The following TBX5 variants were observed in gnomAD, a reference collection of about 807,000 sequenced individuals.
TBX5 encodes T-box transcription factor TBX5.
A neutral mutation model predicts 51.1 loss-of-function variants in TBX5; 8 were observed. That is an observed-to-expected ratio of 0.16 (90% CI 0.09 to 0.28). TBX5 has a LOEUF of 0.28. TBX5 is among the 10% of genes least tolerant of loss of function. The pLI is 1.00. For synonymous variants in TBX5, 302 were observed against 266.4 expected, an observed-to-expected ratio of 1.13 and a Z score of -1.30; for missense variants, 589 against 671.7, an observed-to-expected ratio of 0.88 and a Z score of 1.36.
chr12:114,386,072 G>A (rs1027488346), intron 6 of TBX5, among the ~76,000 whole-genome samples: 5 of 152,156 alleles, frequency 3.3e-5, no homozygotes, highest in Admixed American at 1.3e-4. Context: ...TCATTTCATA[G>A]TTTTGCAGAT....
At chr12:114,388,520 C>T (rs1368365094) in intron 6 of TBX5, among the ~76,000 whole-genome samples, 1 of 152,080 alleles carries the variant, frequency 6.6e-6, no homozygotes, top group Non-Finnish European at 1.5e-5. Flanking sequence ...CTCTGTTACC[C>T]AGGCTGGAGT....
intron 7 of TBX5, among the ~76,000 whole-genome samples, chr12:114,372,960 G>T (rs192690178): frequency 6.9e-6 from 1 of 143,958 alleles, no homozygotes; most frequent in South Asian, 2.3e-4. Context: ...TGCATGGAAA[G>T]GCTTAGCGAA....
At chr12:114,371,524 C>T (rs76155075) in intron 7 of TBX5, among the ~76,000 whole-genome samples, 4 of 151,960 alleles carry the variant, frequency 2.6e-5, no homozygotes, top group Non-Finnish European at 4.4e-5. Flanking sequence ...CCACTACAGC[C>T]GACTGAATTG....
intron 7 of TBX5, among the ~76,000 whole-genome samples, chr12:114,377,368 C>T (rs1870250500): frequency 6.6e-6 from 1 of 152,048 alleles, no homozygotes; most frequent in South Asian, 2.1e-4. Context: ...TTTTAGGAGA[C>T]CTAGGCCTTA....
At chr12:114,396,608 A>G (rs1352905267) in intron 5 of TBX5, among the ~76,000 whole-genome samples, 1 of 152,110 alleles carries the variant, frequency 6.6e-6, no homozygotes, top group East Asian at 1.9e-4. Context: ...GAGACCCCAA[A>G]GGCACTCCAG....
At chr12:114,398,762 T>C in intron 4 of TBX5, 42 bp from the exon 5 acceptor site, 1 of 1,576,994 alleles carries the variant, frequency 6.3e-7, no homozygotes, top group Admixed American at 1.9e-5. Flanking sequence ...GCTCAGAGTC[T>C]GGAGGTAGCG....
At chr12:114,402,236 C>T (rs4548671) in intron 2 of TBX5, among the ~76,000 whole-genome samples, 1 of 151,934 alleles carries the variant, frequency 6.6e-6, no homozygotes, top group Non-Finnish European at 1.5e-5. Context: ...CGGAATGTCA[C>T]TGAGGAGGAC....
rs1228856550 is a variant in TBX5 at position 114,398,628 on chromosome 12, A to G, written c.455T>C (p.Leu152Pro). 3 of 1,613,684 alleles carry G rather than the reference A, an allele frequency of 1.9e-6. No individual in the cohort carries two copies. The highest frequency in any genetic ancestry group is 2.5e-6 in the Non-Finnish European group (3 of 1,179,890). The change falls in exon 5 of 9, where the codon CTC becomes CCC. Residue 152 changes from leucine to proline, a missense_variant. Around this residue, in one of 7 missense-constraint regions of TBX5, gnomAD observed 85 missense variants for 95.6 expected, o/e 0.89. Transcript: ENST00000405440. ...GAGCTTGAGTTTCTGGAAGGAGACG[A>G]GCTGCCTCATCCAATGCGCCCCGGT... The part of the protein sequence containing the change: ...PATGAHWMRQ[L>P]VSFQKLKLTN...
intron 1 of TBX5, among the ~76,000 whole-genome samples, chr12:114,404,867 C>T (rs1384849065): frequency 6.6e-6 from 1 of 152,222 alleles, no homozygotes; most frequent in Non-Finnish European, 1.5e-5. Flanking sequence ...CGGATAAGTC[C>T]TAGGCTGGAG....
Position 114,363,991 on chromosome 12 carries a change from G to A in TBX5, c.982+2174C>T, listed in dbSNP as rs557774007. ...CGGGAGTCACGCCAGGGGGCCTGTT[G>A]GAGTGATATTGTTCAGGCCTTTGAG... On this transcript the variant is annotated intron_variant, in intron 8 of 8. Coordinates refer to ENST00000405440, the MANE Select transcript of TBX5 (RefSeq NM_181486.4). Among the ~76,000 whole-genome samples the A allele has an allele frequency of 7.9e-5, 12 of 152,338 alleles. No homozygotes were observed. The South Asian group carries it at 2.5e-3, about 32-fold the overall frequency.
chr12:114,355,480 CCT>C lies in TBX5; in HGVS notation c.*50_*51del, dbSNP rs201961625. ...TGTCTCTCTCCTTCTCTCTCTTTCT[CCT>C]CTCTCTCTCTCTTTCTCTAGGAAAT... On this transcript the variant is annotated 3_prime_UTR_variant, in exon 9 of 9. Coordinates refer to ENST00000405440, the MANE Select transcript of TBX5 (RefSeq NM_181486.4). 9.9e-3 allele frequency: 11,867 copies of C among 1,194,566 alleles called. No individual in the cohort carries two copies. Among genetic ancestry groups the C allele is most frequent in the Non-Finnish European group, 0.011 (10,009 of 883,034 alleles). The allele number at this position is 1,194,566 out of a possible 1,614,324, so 74.0% of individuals were successfully genotyped here. A position where few individuals can be genotyped will look rare whatever the true frequency, so the allele number is the denominator to read the frequency against.
At chr12:114,357,156 C>T (rs1011481406) in intron 8 of TBX5, among the ~76,000 whole-genome samples, 2 of 152,148 alleles carry the variant, frequency 1.3e-5, no homozygotes, top group African/African-American at 4.8e-5. Flanking sequence ...TAATGTGTTG[C>T]TGTTTCCTGC....
intron 5 of TBX5, 51 bp downstream of exon 5, chr12:114,398,522 G>A (rs1871561051): frequency 1.0e-5 from 16 of 1,594,264 alleles, no homozygotes; most frequent in Non-Finnish European, 1.3e-5. Context: ...GAGAAGAAGG[G>A]AGAGAGGACA....
intron 7 of TBX5, among the ~76,000 whole-genome samples, chr12:114,371,674 C>T (rs1183871140): frequency 6.8e-6 from 1 of 147,758 alleles, no homozygotes; most frequent in Non-Finnish European, 1.5e-5. Context: ...TGGGGCAAGG[C>T]GAGGGACTGT....
chr12:114,401,447 C>T (rs764323023), intron 3 of TBX5, among the ~76,000 whole-genome samples: 1 of 152,176 alleles, frequency 6.6e-6, no homozygotes, highest in Non-Finnish European at 1.5e-5. Flanking sequence ...ACCTTCTAGA[C>T]TCTGTCTTCT....
At chr12:114,367,247 A>AGGAAAGAAAG (rs1555224052) in intron 7 of TBX5, among the ~76,000 whole-genome samples, 1 of 63,498 alleles carries the variant, frequency 1.6e-5, no homozygotes, top group Non-Finnish European at 3.4e-5. Flanking sequence ...AAAAGAAACA[A>AGGAAAGAAAG]AAAAGGAAAG....
intron 2 of TBX5, among the ~76,000 whole-genome samples, chr12:114,402,414 A>C (rs1351480900): frequency 6.6e-6 from 1 of 152,244 alleles, no homozygotes; most frequent in Non-Finnish European, 1.5e-5. Context: ...GTAGACACTC[A>C]GATGCCCACA....
intron 5 of TBX5, among the ~76,000 whole-genome samples, chr12:114,395,324 C>A (rs1362340180): frequency 6.6e-6 from 1 of 152,116 alleles, no homozygotes; most frequent in Admixed American, 6.5e-5. Context: ...ATAGAAATAA[C>A]CCCCACTCCC....
rs564095586 is a variant in TBX5 at position 114,394,632 on chromosome 12, G to T, written c.663+109C>A. Reference sequence around the variant, plus strand: ...CCCCAGCACCCTGGGGTCGAAGTTGGTGACTGCTGCCATTCAGAGGAGCAA... The same window carrying T: ...CCCCAGCACCCTGGGGTCGAAGTTGTTGACTGCTGCCATTCAGAGGAGCAA... On this transcript the variant is annotated intron_variant, in intron 6 of 8. Coordinates refer to ENST00000405440, the MANE Select transcript of TBX5 (RefSeq NM_181486.4). 1.4e-4 allele frequency: 215 copies of T among 1,498,246 alleles called. 1 individual carries two copies. In the East Asian group the frequency reaches 1.8e-3, roughly 12 times the overall value. The allele number at this position is 1,498,246 out of a possible 1,614,324, so 92.8% of individuals were successfully genotyped here.
Sources: allele counts gnomAD v4.1 joint callset (sites outside exome capture counted in the v4.1 genomes callset), GRCh38; gene constraint gnomAD v4.1.1; regional missense constraint gnomAD v4.1.1; transcripts MANE v1.5; gene names NCBI Gene and HGNC (gene_info 2026-07-23, HGNC 2026-07-21).